The following MADD variants were observed in gnomAD, a reference collection of about 807,000 sequenced individuals.
MADD encodes the protein MAP kinase-activating death domain protein.
A neutral mutation model predicts 176.7 loss-of-function variants in MADD; 109 were observed. The observed-to-expected ratio is 0.62, with a 90% CI of 0.53 to 0.72. The LOEUF (loss-of-function observed/expected upper bound fraction) is 0.72, where lower values mean the gene tolerates loss of function less well. Among genes scored for constraint, MADD ranks in the 30% least tolerant of loss-of-function variants. The probability of loss-of-function intolerance (pLI) is 0.00; values close to 1 mark genes in which losing one functional copy is unlikely to be tolerated. For missense variants in MADD, 1,914 were observed against 2,045.5 expected, an observed-to-expected ratio of 0.94 and a Z score of 1.24; for synonymous variants, 771 against 771.3, an observed-to-expected ratio of 1.00 and a Z score of 0.01.
chr11:47,310,585 T>C (rs1046235754), intron 25 of MADD, among the ~76,000 whole-genome samples: 7 of 152,088 alleles, frequency 4.6e-5, no homozygotes, highest in Non-Finnish European at 8.8e-5. Flanking sequence ...TTTTTTTTTT[T>C]ACAATAGTAG....
At position 47,288,961 on chromosome 11, in the gene MADD, G is replaced by A. The variant is rs1224199865; in HGVS notation, c.2654-430G>A. The A allele has an allele frequency of 6.3e-7, 1 of 1,593,420 alleles. No homozygotes were observed. The highest frequency in any genetic ancestry group is 1.4e-5 in the African/African-American group (1 of 73,588). On this transcript the variant is annotated intron_variant, in intron 15 of 32. Coordinates refer to ENST00000402192, the Ensembl canonical transcript of MADD. ...TACACCTACTAATTGTGTATTTTGTGTCCCAGTATTTGGGCTAAATACTCT... is the reference window on the plus strand; with the variant it reads ...TACACCTACTAATTGTGTATTTTGTATCCCAGTATTTGGGCTAAATACTCT...
chr11:47,277,535 G>T (rs2051394043), intron 5 of MADD, among the ~76,000 whole-genome samples: 1 of 152,174 alleles, frequency 6.6e-6, no homozygotes, highest in Admixed American at 6.5e-5. Flanking sequence ...GACCTTAGGT[G>T]ATCCGCCTGC....
chr11:47,313,330 G>A (rs1332532932), intron 26 of MADD, among the ~76,000 whole-genome samples: 13 of 150,604 alleles, frequency 8.6e-5, no homozygotes, highest in South Asian at 4.2e-4. Flanking sequence ...TTTTGGAGAC[G>A]GAGTCTCGCT....
intron 30 of MADD, among the ~76,000 whole-genome samples, chr11:47,326,181 T>G (rs775325147): frequency 2.6e-5 from 4 of 152,198 alleles, no homozygotes; most frequent in Non-Finnish European, 4.4e-5. Context: ...GTGCAGAGAT[T>G]AGAAATCGTA....
intron 13 of MADD, 27 bp from the exon 14 acceptor site, chr11:47,285,424 G>GA (rs758254727): frequency 3.1e-6 from 5 of 1,613,762 alleles, no homozygotes; most frequent in Non-Finnish European, 4.2e-6. Context: ...CCTGCCTGGG[G>GA]ATCATAGGTG....
chr11:47,310,907 C>A (rs867263228), intron 25 of MADD, among the ~76,000 whole-genome samples: 38 of 131,058 alleles, frequency 2.9e-4, no homozygotes, highest in Middle Eastern at 3.9e-3. Flanking sequence ...AAATCCATCT[C>A]AAAAAAAAAA....
At position 47,285,126 on chromosome 11, in the gene MADD, T is replaced by TG. The variant is rs754892238; in HGVS notation, c.2344dup (p.Glu782GlyfsTer4). 2 of 1,613,998 alleles carry TG rather than the reference T, an allele frequency of 1.2e-6. No individual in the cohort carries two copies. The highest frequency in any genetic ancestry group is 1.7e-6 in the Non-Finnish European group (2 of 1,180,010). On this transcript the variant is annotated frameshift_variant, in exon 13 of 33. Coordinates refer to ENST00000402192, the Ensembl canonical transcript of MADD. LOFTEE classifies it high-confidence loss of function. Reference sequence around the variant, plus strand: ...TCGAGCCCCAATATGGCTTTCCCCCTGAGGAAGATGAGGATGAGCAGGGGG... The same window carrying TG: ...TCGAGCCCCAATATGGCTTTCCCCCTGGAGGAAGATGAGGATGAGCAGGGGG...
intron 6 of MADD, 45 bp from the exon 7 acceptor site, chr11:47,278,954 G>A (rs2053458284): frequency 2.0e-6 from 3 of 1,533,076 alleles, no homozygotes; most frequent in Non-Finnish European, 2.7e-6. Context: ...AAATTCCTGA[G>A]CAATAAACTC....
At chr11:47,291,875 G>T (rs974789171) in intron 19 of MADD, among the ~76,000 whole-genome samples, 3 of 152,188 alleles carry the variant, frequency 2.0e-5, no homozygotes, top group Non-Finnish European at 4.4e-5. Flanking sequence ...TTGCCATTCT[G>T]TCTGCTTTTC....
chr11:47,328,537 A>C, intron 31 of MADD, 121 bp from the exon 36 acceptor site: 2 of 1,542,554 alleles, frequency 1.3e-6, no homozygotes, highest in Non-Finnish European at 1.7e-6. Flanking sequence ...TGCTGCAGCC[A>C]CTGTGAGAGG....
exon 9 of MADD, chr11:47,282,401 T>C: frequency 6.2e-7 from 1 of 1,614,158 alleles, no homozygotes; most frequent in Non-Finnish European, 8.5e-7. Flanking sequence ...GTACGGTTCT[T>C]CAATTCCGCC....
At chr11:47,316,722 G>A in intron 27 of MADD, among the ~76,000 whole-genome samples, 1 of 151,756 alleles carries the variant, frequency 6.6e-6, no homozygotes, top group Non-Finnish European at 1.5e-5. Context: ...AATAAAATAT[G>A]AACACAAATT....
intron 13 of MADD, 126 bp downstream of exon 13, chr11:47,285,320 A>T (rs1661045365): frequency 1.4e-5 from 21 of 1,550,176 alleles, no homozygotes; most frequent in Non-Finnish European, 1.4e-5. Flanking sequence ...TCCCCAGAGG[A>T]TGGTGTTCTG....
At chr11:47,310,246 A>G (rs897652907) in intron 25 of MADD, among the ~76,000 whole-genome samples, 36 of 151,392 alleles carry the variant, frequency 2.4e-4, no homozygotes, top group African/African-American at 8.3e-4. Context: ...CAGTGGCACG[A>G]TCTTGGCTCA....
At chr11:47,289,183 C>T (rs2063196918) in intron 15 of MADD, among the ~76,000 whole-genome samples, 156 bp downstream of exon 16, 1 of 152,126 alleles carries the variant, frequency 6.6e-6, no homozygotes, top group African/African-American at 2.4e-5. Flanking sequence ...ATGGGGCTTG[C>T]TGCTGGTGCA....
At chr11:47,269,663 C>T (rs1157796133), upstream of MADD, 1 of 151,558 alleles carries the variant, frequency 6.6e-6, no homozygotes, top group South Asian at 2.1e-4. Context: ...GGCCGCGCGC[C>T]CCCCTCTGCC....
exon 33 of MADD, chr11:47,329,345 C>G: frequency 1.7e-6 from 1 of 589,860 alleles, no homozygotes; most frequent in South Asian, 2.0e-5. Flanking sequence ...TTCTCCCTCT[C>G]CACTCCCAGA....
chr11:47,320,885 C>CAGT (rs2094354854), intron 27 of MADD, among the ~76,000 whole-genome samples: 1 of 152,130 alleles, frequency 6.6e-6, no homozygotes, highest in Non-Finnish European at 1.5e-5. Context: ...TACACCACTT[C>CAGT]AGTCCATCCT....
intron 27 of MADD, among the ~76,000 whole-genome samples, chr11:47,317,936 A>G (rs1350383613): frequency 6.6e-6 from 1 of 151,822 alleles, no homozygotes. Context: ...CACCCGGCTA[A>G]TTTTTGTGTT....
Sources: gnomAD v4.1 joint callset for allele counts (sites outside exome capture counted in the v4.1 genomes callset) on GRCh38, gnomAD v4.1.1 for gene constraint, MANE v1.5 for transcripts, NCBI Gene and HGNC (gene_info 2026-07-23, HGNC 2026-07-21) for gene names.